Variants in RIMKLB observed in about 807,000 individuals in gnomAD.
The protein encoded by RIMKLB is ribosomal modification protein rimK like family member B.
In RIMKLB, 7 loss-of-function variants were observed where a neutral mutation model predicts 32.0. That is an observed-to-expected ratio of 0.22 (90% CI 0.12 to 0.41). The LOEUF is 0.41. Among genes scored for constraint, RIMKLB ranks in the 10% least tolerant of loss-of-function variants. The pLI, the probability that RIMKLB is intolerant of heterozygous loss-of-function variation, is 1.00. For synonymous variants in RIMKLB, 172 were observed against 185.1 expected, an observed-to-expected ratio of 0.93 and a Z score of 0.57; for missense variants, 289 against 498.7, an observed-to-expected ratio of 0.58 and a Z score of 4.00.
chr12:8,703,503 T>C (rs1943589252), intron 1 of RIMKLB, among the ~76,000 whole-genome samples: 1 of 152,118 alleles, frequency 6.6e-6, no homozygotes, highest in South Asian at 2.1e-4. Context: ...AATTTTTTTT[T>C]CTTTCACTTT....
chr12:8,709,370 C>G (rs1275212361), intron 1 of RIMKLB, among the ~76,000 whole-genome samples: 5 of 152,102 alleles, frequency 3.3e-5, no homozygotes, highest in African/African-American at 1.2e-4. Context: ...TTTATGTTAG[C>G]AGATGGGAAA....
chr12:8,727,444 G>T (rs765765827), intron 2 of RIMKLB, among the ~76,000 whole-genome samples: 1 of 152,228 alleles, frequency 6.6e-6, no homozygotes, highest in African/African-American at 2.4e-5. Context: ...ACTATATGTT[G>T]ATCAGGCTGA....
intron 1 of RIMKLB, among the ~76,000 whole-genome samples, chr12:8,705,306 A>G (rs1024638497): frequency 3.3e-5 from 5 of 151,938 alleles, no homozygotes; most frequent in South Asian, 2.1e-4. Flanking sequence ...GCGAAACTCC[A>G]TCTCTACTAA....
At chr12:8,687,820 G>GAAAAAAAAAAAAAAAAAAA (rs752174507) in intron 1 of RIMKLB, among the ~76,000 whole-genome samples, 1 of 72,928 alleles carries the variant, frequency 1.4e-5, no homozygotes, top group African/African-American at 5.6e-5. Context: ...AAGTCAGGAA[G>GAAAAAAAAAAAAAAAAAAA]AAAAAAAAAA....
At chr12:8,745,160 A>G (rs936919540) in intron 2 of RIMKLB, among the ~76,000 whole-genome samples, 2 of 151,632 alleles carry the variant, frequency 1.3e-5, no homozygotes, top group Non-Finnish European at 2.9e-5. Context: ...ATGTTGGCCA[A>G]CTGGTCTTGA....
chr12:8,703,226 G>A (rs1203177771), intron 1 of RIMKLB, among the ~76,000 whole-genome samples: 1 of 152,150 alleles, frequency 6.6e-6, no homozygotes, highest in African/African-American at 2.4e-5. Context: ...GCAGGTTGCA[G>A]GGAGCCAAGA....
At chr12:8,716,725 C>CTTTTTTTTTTTT (rs71451981) in intron 2 of RIMKLB, among the ~76,000 whole-genome samples, 7 of 95,158 alleles carry the variant, frequency 7.4e-5, no homozygotes, top group African/African-American at 1.6e-4. Flanking sequence ...TCTTTTCCTT[C>CTTTTTTTTTTTT]TTTTTTTTTT....
upstream of RIMKLB, among the ~76,000 whole-genome samples, chr12:8,693,936 T>C (rs1282768365): frequency 1.3e-5 from 2 of 152,052 alleles, no homozygotes; most frequent in Non-Finnish European, 2.9e-5. Flanking sequence ...GTTGATTCTA[T>C]TTATTTTTTA....
At chr12:8,672,940 G>T in the RIMKLB span, among the ~76,000 whole-genome samples, 1 of 152,246 alleles carries the variant, frequency 6.6e-6, no homozygotes, top group Middle Eastern at 3.4e-3. Flanking sequence ...AGAGTTAAGT[G>T]GTGCCATCTT....
At chr12:8,762,888 C>T (rs1044258662) in intron 5 of RIMKLB, among the ~76,000 whole-genome samples, 1 of 152,166 alleles carries the variant, frequency 6.6e-6, no homozygotes, top group African/African-American at 2.4e-5. Context: ...AGAAGGTCCC[C>T]TTAAGCGGCG....
chr12:8,750,297 A>G (rs1429031360), intron 3 of RIMKLB, among the ~76,000 whole-genome samples: 1 of 152,192 alleles, frequency 6.6e-6, no homozygotes, highest in Non-Finnish European at 1.5e-5. Flanking sequence ...AAAGGGCAAG[A>G]TTGTAAGTAT....
chr12:8,736,316 T>C (rs1400336119), intron 2 of RIMKLB, among the ~76,000 whole-genome samples: 6 of 152,238 alleles, frequency 3.9e-5, no homozygotes, highest in African/African-American at 1.2e-4. Context: ...TGTCTTTCTT[T>C]TAAGAACTTT....
At chr12:8,751,473 C>T (rs1591892639) in intron 3 of RIMKLB, among the ~76,000 whole-genome samples, 1 of 152,120 alleles carries the variant, frequency 6.6e-6, no homozygotes, top group Non-Finnish European at 1.5e-5. Flanking sequence ...GTAGAAAGAA[C>T]TCTGATTAGT....
intron 3 of RIMKLB, among the ~76,000 whole-genome samples, chr12:8,751,076 A>G (rs913609608): frequency 6.6e-6 from 1 of 152,240 alleles, no homozygotes; most frequent in African/African-American, 2.4e-5. Context: ...TAGCAATTGC[A>G]TAAGAAGAGA....
chr12:8,712,331 G>C (rs1944446179), intron 1 of RIMKLB, among the ~76,000 whole-genome samples: 1 of 152,088 alleles, frequency 6.6e-6, no homozygotes, highest in Admixed American at 6.6e-5. Context: ...ATAATCACTT[G>C]AACCCGGGAA....
chr12:8,678,417 G>T (rs1392737027), upstream of RIMKLB, among the ~76,000 whole-genome samples: 1 of 151,462 alleles, frequency 6.6e-6, no homozygotes, highest in African/African-American at 2.4e-5. Context: ...CGCATCCTCC[G>T]CCTCCCGGGT....
intron 5 of RIMKLB, among the ~76,000 whole-genome samples, chr12:8,768,395 G>A (rs1333740665): frequency 1.3e-5 from 2 of 152,216 alleles, no homozygotes; most frequent in African/African-American, 2.4e-5. Context: ...GACCACAAGT[G>A]TGTGCAGTTG....
the RIMKLB span, among the ~76,000 whole-genome samples, chr12:8,670,159 C>A: frequency 3.9e-5 from 6 of 151,938 alleles, no homozygotes; most frequent in African/African-American, 1.2e-4. Flanking sequence ...CAAACCATCT[C>A]ATTCTGTCCC....
At chr12:8,749,515 G>C (rs1948444239) in intron 2 of RIMKLB, among the ~76,000 whole-genome samples, 1 of 152,026 alleles carries the variant, frequency 6.6e-6, no homozygotes, top group Non-Finnish European at 1.5e-5. Flanking sequence ...GCCCACTTAG[G>C]TATTTTTTAT....
Sources: allele counts gnomAD v4.1 joint callset (sites outside exome capture counted in the v4.1 genomes callset), GRCh38; gene constraint gnomAD v4.1.1; transcripts MANE v1.5; gene names NCBI Gene and HGNC (gene_info 2026-07-23, HGNC 2026-07-21).